KIF21A: variants seen among roughly 807,000 people sequenced by gnomAD.
KIF21A encodes kinesin-like protein KIF21A.
Under a neutral mutation model 202.9 loss-of-function variants are expected in KIF21A, and 114 were observed. The observed-to-expected ratio is 0.56, with a 90% CI of 0.48 to 0.66. The LOEUF (loss-of-function observed/expected upper bound fraction) is 0.66, where lower values mean the gene tolerates loss of function less well. Among genes scored for constraint, KIF21A ranks in the 30% least tolerant of loss-of-function variants. The pLI is 0.00. For synonymous variants in KIF21A, 667 were observed against 670.8 expected, an observed-to-expected ratio of 0.99 and a Z score of 0.09; for missense variants, 1,677 against 1,994.9, an observed-to-expected ratio of 0.84 and a Z score of 3.04.
At position 39,416,603 on chromosome 12, in the gene KIF21A, A is replaced by ATATATATATATGTACATATATATGTG. The variant is rs1953618365; in HGVS notation, c.44+26323_44+26324insCACATATATATGTACATATATATATA. The stretch of plus-strand genomic sequence containing the variant: ...AGAGTGAGATCCGCCTTAAATATAC[A>ATATATATATATGTACATATATATGTG]TATATATATATATGTACATATATAT... On this transcript the variant is annotated intron_variant, in intron 1 of 37. Coordinates refer to ENST00000361418, the MANE Select transcript of KIF21A (RefSeq NM_001173464.2). Among the ~76,000 whole-genome samples, 3 of 64,290 alleles carry ATATATATATATGTACATATATATGTG rather than the reference A, an allele frequency of 4.7e-5. 1 individual carries two copies. The highest frequency in any genetic ancestry group is 6.8e-4 in the South Asian group (1 of 1,472). The allele number at this position is 64,290 out of a possible 152,430, so 42.2% of individuals were successfully genotyped here.
chr12:39,315,295 GA>G lies in KIF21A; in HGVS notation c.3948-56del, dbSNP rs1944414492. ...AACAAGGAAAACAAGTGCAAAGAGG[GA>G]GGACATAAAATGATAATGGTGAAAG... is the stretch of plus-strand genomic sequence containing the variant. On this transcript the variant is annotated intron_variant, in intron 30 of 37. Transcript: ENST00000361418. 3.9e-6 allele frequency: 6 copies of G among 1,535,182 alleles called. No homozygotes were observed. The African/African-American group carries it at 6.8e-5, about 17-fold the overall frequency.
intron 29 of KIF21A, among the ~76,000 whole-genome samples, chr12:39,317,676 C>G (rs1227127922): frequency 6.6e-6 from 1 of 152,044 alleles, no homozygotes; most frequent in Non-Finnish European, 1.5e-5. Flanking sequence ...CTGTTATATC[C>G]CCCAGAAGTA....
At chr12:39,395,904 C>T (rs1321366321) in intron 1 of KIF21A, among the ~76,000 whole-genome samples, 1 of 151,264 alleles carries the variant, frequency 6.6e-6, no homozygotes, top group Non-Finnish European at 1.5e-5. Flanking sequence ...TTCCCCCCGC[C>T]TCTCCTCTTC....
intron 1 of KIF21A, among the ~76,000 whole-genome samples, chr12:39,410,019 C>T (rs1566223844): frequency 6.6e-6 from 1 of 152,018 alleles, no homozygotes; most frequent in Non-Finnish European, 1.5e-5. Flanking sequence ...TTTATACAGA[C>T]AAGGTTTCAC....
intron 32 of KIF21A, among the ~76,000 whole-genome samples, 198 bp from the exon 33 acceptor site, chr12:39,309,964 T>C (rs1943863589): frequency 6.6e-6 from 1 of 152,106 alleles, no homozygotes; most frequent in African/African-American, 2.4e-5. Context: ...AAGGATCAGA[T>C]AAAAGTCTGG....
chr12:39,386,973 A>G (rs986167195), intron 1 of KIF21A, among the ~76,000 whole-genome samples: 4 of 152,124 alleles, frequency 2.6e-5, no homozygotes, highest in African/African-American at 9.7e-5. Flanking sequence ...CTTCTCACCT[A>G]AGCATGGAGG....
chr12:39,367,038 T>C lies in KIF21A; in HGVS notation c.727A>G (p.Ile243Val). Residue 243 changes from isoleucine (I) to valine (V), a missense_variant, in exon 5 of 38, where the codon ATA becomes GTA. Physicochemically the swap from Ile to Val is conservative, Grantham distance 29 (BLOSUM62 3). This residue lies in a region of KIF21A where 966 missense variants were observed against 1,180.9 expected (regional missense o/e 0.82). Transcript: ENST00000361418. ...TAGAATTAATAACTCACAGCATCTA[T>C]TTGGGGACACACTCTGGTTTGACAC... ...HVCQTRVCPQ[I>V]DADNATDNKI... The C allele has an allele frequency of 6.2e-7, 1 of 1,613,478 alleles. No individual in the cohort carries two copies. The highest frequency in any genetic ancestry group is 8.5e-7 in the Non-Finnish European group (1 of 1,179,408).
chr12:39,309,596 G>A lies in KIF21A; in HGVS notation c.4267C>T (p.Arg1423Ter), dbSNP rs1164718381. Reference sequence around the variant, plus strand: ...CTTCAAGTTACTTACGTTAGTGTTCGAATGCACTTTGCTGAATCTCTGATA... The same window carrying A: ...CTTCAAGTTACTTACGTTAGTGTTCAAATGCACTTTGCTGAATCTCTGATA... ...WDIRDSAKCI[R>*]TLTSSGQVTL... Residue 1423 changes from arginine to a stop codon, truncating the protein, a stop_gained, in exon 33 of 38, where the codon CGA (arginine) becomes TGA (stop). Coordinates refer to ENST00000361418, the MANE Select transcript of KIF21A (RefSeq NM_001173464.2). LOFTEE classifies it high-confidence loss of function. The A allele has an allele frequency of 8.1e-6, 13 of 1,609,076 alleles. No individual in the cohort carries two copies. Among genetic ancestry groups the A allele is most frequent in the Non-Finnish European group, 1.0e-5 (12 of 1,178,056 alleles).
intron 1 of KIF21A, among the ~76,000 whole-genome samples, chr12:39,406,225 T>C (rs1188685712): frequency 6.6e-6 from 1 of 152,112 alleles, no homozygotes; most frequent in East Asian, 1.9e-4. Context: ...AAGCAACATA[T>C]TTGATACATT....
Position 39,309,692 on chromosome 12 carries a change from C to T in KIF21A, c.4171G>A (p.Val1391Met), listed in dbSNP as rs139013210. 1.2e-5 allele frequency: 19 copies of T among 1,613,224 alleles called. No homozygotes were observed. Among genetic ancestry groups the T allele is most frequent in the Admixed American group, 1.2e-4 (7 of 59,960 alleles). ...MSLGGHPNNV[V>M]SVKYCNYTSL... ...GTATAATTACAGTATTTTACAGACACGACATTGTTGGGATGACCCCCCAGT... is the reference window on the plus strand; with the variant it reads ...GTATAATTACAGTATTTTACAGACATGACATTGTTGGGATGACCCCCCAGT... Residue 1391 changes from valine to methionine, a missense_variant, in exon 33 of 38, where the codon GTG becomes ATG. By Grantham distance (21) the Val-to-Met change is conservative. Around this residue, in one of 3 missense-constraint regions of KIF21A, gnomAD observed 705 missense variants for 791.9 expected, o/e 0.89. Coordinates refer to ENST00000361418, the MANE Select transcript of KIF21A (RefSeq NM_001173464.2).
intron 28 of KIF21A, 21 bp downstream of exon 28, chr12:39,319,884 GT>G (rs763782743): frequency 3.7e-6 from 5 of 1,348,244 alleles, no homozygotes; most frequent in Non-Finnish European, 5.3e-6. Flanking sequence ...AGTCTAGCAG[GT>G]AAAAAACATT....
intron 31 of KIF21A, 183 bp from the exon 32 acceptor site, chr12:39,311,736 T>C: frequency 1.6e-6 from 1 of 623,652 alleles, no homozygotes; most frequent in Non-Finnish European, 2.8e-6. Context: ...TGATGGAGTA[T>C]ATCAACTAAT....
At chr12:39,422,904 G>C (rs1187722906) in intron 1 of KIF21A, among the ~76,000 whole-genome samples, 1 of 152,122 alleles carries the variant, frequency 6.6e-6, no homozygotes, top group African/African-American at 2.4e-5. Context: ...TTATTGCCTG[G>C]AACACCAGAG....
intron 1 of KIF21A, among the ~76,000 whole-genome samples, chr12:39,386,024 T>TTTGTTC (rs1950921815): frequency 1.3e-5 from 2 of 152,202 alleles, no homozygotes; most frequent in Admixed American, 1.3e-4. Context: ...GGGTTTTGTT[T>TTTGTTC]TTGTTCTTGT....
At chr12:39,364,538 T>C (rs1949472879) in intron 6 of KIF21A, among the ~76,000 whole-genome samples, 1 of 152,220 alleles carries the variant, frequency 6.6e-6, no homozygotes, top group African/African-American at 2.4e-5. Flanking sequence ...TTGGAAGGTC[T>C]GGCTCTCTCT....
chr12:39,405,514 T>C (rs1952511330), intron 1 of KIF21A, among the ~76,000 whole-genome samples: 1 of 152,230 alleles, frequency 6.6e-6, no homozygotes, highest in South Asian at 2.1e-4. Context: ...ATTTTGTTTA[T>C]GTAAAATTGT....
At chr12:39,409,428 T>G (rs1164505333) in intron 1 of KIF21A, among the ~76,000 whole-genome samples, 1 of 141,998 alleles carries the variant, frequency 7.0e-6, no homozygotes, top group Admixed American at 7.1e-5. Flanking sequence ...GAGGCTGAAG[T>G]GAGAGGATTG....
At chr12:39,406,230 T>C (rs1341685862) in intron 1 of KIF21A, among the ~76,000 whole-genome samples, 2 of 152,200 alleles carry the variant, frequency 1.3e-5, no homozygotes, top group Non-Finnish European at 2.9e-5. Flanking sequence ...ACATATTTGA[T>C]ACATTATGTA....
At chr12:39,346,578 G>A in intron 11 of KIF21A, 74 bp from the exon 12 acceptor site, 1 of 1,017,622 alleles carries the variant, frequency 9.8e-7, no homozygotes, top group South Asian at 2.7e-5. Flanking sequence ...AAGCGAAAGT[G>A]ATAAGAAGGT....
Sources: allele counts gnomAD v4.1 joint callset (sites outside exome capture counted in the v4.1 genomes callset), GRCh38; gene constraint gnomAD v4.1.1; regional missense constraint gnomAD v4.1.1; transcripts MANE v1.5; gene names NCBI Gene and HGNC (gene_info 2026-07-23, HGNC 2026-07-21).